Variants in ERP44 observed in about 807,000 individuals in gnomAD.
ERP44 encodes endoplasmic reticulum protein 44, also known as endoplasmic reticulum resident protein 44.
ERP44 carries 25 observed loss-of-function variants against 53.4 expected under a neutral mutation model. The ratio of observed to expected loss-of-function variants is 0.47; its 90% confidence interval spans 0.34 to 0.65. ERP44 has a LOEUF of 0.65. Among genes scored for constraint, ERP44 ranks in the 30% least tolerant of loss-of-function variants. The pLI is 0.01. For missense variants in ERP44, 338 were observed against 493.2 expected (o/e 0.69, Z 2.98); for synonymous variants, 145 against 161.2 (o/e 0.90, Z 0.76).
chr9:100,051,611 T>G (rs1013981467), intron 4 of ERP44, among the ~76,000 whole-genome samples: 2 of 151,744 alleles, frequency 1.3e-5, no homozygotes, highest in African/African-American at 4.8e-5. Flanking sequence ...GAAAAAAAAA[T>G]TCCTGCCTTA....
chr9:100,016,807 C>A (rs778003884), intron 7 of ERP44, among the ~76,000 whole-genome samples: 1 of 152,142 alleles, frequency 6.6e-6, no homozygotes. Flanking sequence ...AGAAAGAGGG[C>A]CATGGGTGGC....
intron 10 of ERP44, among the ~76,000 whole-genome samples, chr9:99,993,578 A>T (rs1830278192): frequency 1.3e-5 from 2 of 152,214 alleles, no homozygotes; most frequent in Admixed American, 6.5e-5. Flanking sequence ...AACCTAGGCA[A>T]TACCATTCAG....
chr9:100,052,929 T>G (rs1826053436), intron 3 of ERP44, among the ~76,000 whole-genome samples: 1 of 152,090 alleles, frequency 6.6e-6, no homozygotes, highest in Non-Finnish European at 1.5e-5. Flanking sequence ...TATTTTTAAT[T>G]TTTTTTGAGA....
intron 1 of ERP44, among the ~76,000 whole-genome samples, chr9:100,097,076 TAAC>T (rs1564108902): frequency 5.3e-5 from 8 of 152,192 alleles, no homozygotes; most frequent in Non-Finnish European, 1.2e-4. Flanking sequence ...AGGTATTCTC[TAAC>T]ATATTTTCCA....
chr9:100,060,126 T>C lies in ERP44; in HGVS notation c.104A>G (p.Asp35Gly). The change falls in exon 2 of 12, where the codon GAT becomes GGT. Residue 35 changes from aspartate to glycine, a missense_variant. Around this residue, in one of 3 missense-constraint regions of ERP44, gnomAD observed 224 missense variants for 301.4 expected, o/e 0.74. Coordinates refer to ENST00000262455, the MANE Select transcript of ERP44 (RefSeq NM_015051.3). Reference protein sequence around the residue: ...TPVTTEITSLDTENIDEILNN... With the variant: ...TPVTTEITSLGTENIDEILNN... ...TAAAATTTCATCTATATTCTCTGTA[T>C]CAAGACTTGTTATTTCAGTTGTTAC... The C allele has an allele frequency of 6.7e-7, 1 of 1,499,898 alleles. No homozygotes were observed. 92.9% of individuals were successfully genotyped at this position (1,499,898 alleles called of 1,614,324 possible). A position where few individuals can be genotyped will look rare whatever the true frequency, so the allele number is the denominator to read the frequency against.
intron 1 of ERP44, among the ~76,000 whole-genome samples, chr9:100,096,406 T>A (rs989404639): frequency 2.0e-4 from 30 of 151,584 alleles, no homozygotes; most frequent in African/African-American, 6.5e-4. Context: ...TAAATATATA[T>A]ATAAAAGATA....
intron 4 of ERP44, among the ~76,000 whole-genome samples, chr9:100,030,833 A>G (rs1825778966): frequency 1.3e-5 from 2 of 152,158 alleles, no homozygotes; most frequent in Admixed American, 6.5e-5. Flanking sequence ...TGCAATAAGT[A>G]GGTCTTTCTC....
At chr9:100,018,482 A>G (rs1818418703) in intron 6 of ERP44, among the ~76,000 whole-genome samples, 169 bp from the exon 7 acceptor site, 1 of 152,210 alleles carries the variant, frequency 6.6e-6, no homozygotes, top group Non-Finnish European at 1.5e-5. Flanking sequence ...GACTTTTTAA[A>G]GGAAAATTTT....
At chr9:99,998,708 G>A (rs528596841) in intron 10 of ERP44, 26 of 724,348 alleles carry the variant, frequency 3.6e-5, no homozygotes, top group African/African-American at 2.5e-4. Flanking sequence ...AATTTTCTTC[G>A]GTTTATCTCA....
intron 4 of ERP44, among the ~76,000 whole-genome samples, chr9:100,040,842 G>T (rs1825892303): frequency 6.6e-6 from 1 of 151,980 alleles, no homozygotes; most frequent in African/African-American, 2.4e-5. Flanking sequence ...ACAAAAATCA[G>T]TAGCATTTTT....
At chr9:99,982,798 G>A (rs1209204498) in intron 11 of ERP44, 85 bp from the exon 12 acceptor site, 1 of 663,440 alleles carries the variant, frequency 1.5e-6, no homozygotes, top group African/African-American at 1.9e-5. Context: ...ATGAATAGTA[G>A]TTCCCCTATA....
At chr9:100,045,565 TA>T (rs1300888884) in intron 4 of ERP44, among the ~76,000 whole-genome samples, 2 of 152,118 alleles carry the variant, frequency 1.3e-5, no homozygotes, top group African/African-American at 4.8e-5. Flanking sequence ...AAGCACTCAA[TA>T]AGTAGTAGGG....
At chr9:100,072,904 G>A (rs1279554464) in intron 1 of ERP44, among the ~76,000 whole-genome samples, 1 of 152,136 alleles carries the variant, frequency 6.6e-6, no homozygotes. Context: ...ACCTTCAAAC[G>A]TTGAATCCTT....
chr9:100,033,699 T>C (rs564507296), intron 4 of ERP44, among the ~76,000 whole-genome samples: 22 of 152,322 alleles, frequency 1.4e-4, no homozygotes, highest in Non-Finnish European at 2.2e-4. Flanking sequence ...TTTGAGGTTT[T>C]TTCTGCTATT....
intron 1 of ERP44, among the ~76,000 whole-genome samples, chr9:100,079,943 C>CAAAAAAAAAAA (rs11334671): frequency 8.2e-6 from 1 of 121,470 alleles, no homozygotes; most frequent in Non-Finnish European, 1.9e-5. Flanking sequence ...TTAAAAAAAA[C>CAAAAAAAAAAA]AAAAAAAAAA....
At chr9:100,098,085 T>C (rs973113546) in intron 1 of ERP44, among the ~76,000 whole-genome samples, 1 of 152,222 alleles carries the variant, frequency 6.6e-6, no homozygotes, top group Admixed American at 6.5e-5. Context: ...GGAAAGATTC[T>C]TTTAAGATGG....
chr9:100,039,218 A>G (rs1051994452), intron 4 of ERP44, among the ~76,000 whole-genome samples: 2 of 152,192 alleles, frequency 1.3e-5, no homozygotes, highest in East Asian at 3.8e-4. Flanking sequence ...ATTTCATCCA[A>G]TGGCTGCCGA....
At position 100,022,037 on chromosome 9, in the gene ERP44, C is replaced by T. The variant is rs1224314525; in HGVS notation, c.471+5G>A. On this transcript the variant is annotated splice_donor_5th_base_variant and intron_variant, in intron 5 of 11. Coordinates refer to ENST00000262455, the MANE Select transcript of ERP44 (RefSeq NM_015051.3). ...TTGTTTAATCTAGCAAAAGTTACAA[C>T]TTACATCAAGAGTGGTGATTTCTGC... 1 of 1,606,416 alleles carries T rather than the reference C, an allele frequency of 6.2e-7. No homozygotes were observed. Among genetic ancestry groups the T allele is most frequent in the African/African-American group, 1.3e-5 (1 of 74,492 alleles).
At chr9:100,052,802 G>A (rs1344299284) in intron 3 of ERP44, among the ~76,000 whole-genome samples, 1 of 152,182 alleles carries the variant, frequency 6.6e-6, no homozygotes, top group Non-Finnish European at 1.5e-5. Context: ...ACACAGCTAA[G>A]GATCTCTTGC....
Sources: gnomAD v4.1 joint callset for allele counts (sites outside exome capture counted in the v4.1 genomes callset) on GRCh38, gnomAD v4.1.1 for gene constraint, gnomAD v4.1.1 regional missense constraint, MANE v1.5 for transcripts, NCBI Gene and HGNC (gene_info 2026-07-23, HGNC 2026-07-21) for gene names.